Variants in DCC observed in about 807,000 individuals in gnomAD.
The protein encoded by DCC is netrin receptor DCC.
A neutral mutation model predicts 172.5 loss-of-function variants in DCC; 58 were observed. The ratio of observed to expected loss-of-function variants is 0.34; its 90% confidence interval spans 0.27 to 0.42. The LOEUF is 0.42. Ranked by LOEUF, DCC falls within the 10% of genes least tolerant of loss-of-function variation. The pLI, the probability that DCC is intolerant of heterozygous loss-of-function variation, is 1.00. For missense variants in DCC, 1,740 were observed against 1,791.0 expected (o/e 0.97, Z 0.51); for synonymous variants, 709 against 644.5 (o/e 1.10, Z -1.52).
intron 7 of DCC, among the ~76,000 whole-genome samples, chr18:53,090,986 G>T (rs1288446510): frequency 6.6e-6 from 1 of 151,910 alleles, no homozygotes; most frequent in Non-Finnish European, 1.5e-5. Context: ...CAACTACATT[G>T]TAACAGAGTG....
At chr18:52,723,398 A>T (rs1383253069) in intron 1 of DCC, among the ~76,000 whole-genome samples, 1 of 152,204 alleles carries the variant, frequency 6.6e-6, no homozygotes, top group Non-Finnish European at 1.5e-5. Flanking sequence ...GTTGCCTACT[A>T]GGATAATTAT....
chr18:52,595,749 T>A (rs535651291), intron 1 of DCC, among the ~76,000 whole-genome samples: 4 of 152,314 alleles, frequency 2.6e-5, no homozygotes, highest in African/African-American at 7.2e-5. Flanking sequence ...ATATTATTTT[T>A]GTCAATCCAC....
intron 15 of DCC, among the ~76,000 whole-genome samples, chr18:53,368,347 C>T (rs544775102): frequency 7.9e-5 from 12 of 152,080 alleles, no homozygotes; most frequent in Non-Finnish European, 1.3e-4. Flanking sequence ...ATTTTATCAG[C>T]TATATAACTT....
chr18:52,734,310 G>A (rs965989401), intron 1 of DCC, among the ~76,000 whole-genome samples: 7 of 152,084 alleles, frequency 4.6e-5, no homozygotes, highest in African/African-American at 1.4e-4. Context: ...TGATCCTAGC[G>A]ATCACTCTAG....
chr18:52,700,227 T>G (rs569260502), intron 1 of DCC, among the ~76,000 whole-genome samples: 1 of 110,842 alleles, frequency 9.0e-6, no homozygotes, highest in African/African-American at 3.7e-5. Flanking sequence ...TGCACACACA[T>G]GCACACTCAC....
At chr18:53,233,475 T>G (rs944640111) in intron 12 of DCC, among the ~76,000 whole-genome samples, 1 of 152,164 alleles carries the variant, frequency 6.6e-6, no homozygotes, top group Non-Finnish European at 1.5e-5. Flanking sequence ...TTGAAGCCGA[T>G]TTTTTTAGGT....
At chr18:52,834,639 T>A (rs1211707621) in intron 2 of DCC, among the ~76,000 whole-genome samples, 1 of 152,178 alleles carries the variant, frequency 6.6e-6, no homozygotes, top group Non-Finnish European at 1.5e-5. Context: ...GTAAAAAAAT[T>A]TGAAAAATAT....
chr18:53,264,022 A>T (rs1200349685), intron 12 of DCC, among the ~76,000 whole-genome samples: 1 of 152,198 alleles, frequency 6.6e-6, no homozygotes, highest in Non-Finnish European at 1.5e-5. Context: ...GGTTAAATAT[A>T]TTAGGAAAAT....
intron 5 of DCC, among the ~76,000 whole-genome samples, chr18:52,928,634 T>A (rs2040255631): frequency 6.6e-6 from 1 of 152,166 alleles, no homozygotes; most frequent in African/African-American, 2.4e-5. Context: ...TTTACTGAGT[T>A]CAAACCATGT....
chr18:52,379,908 G>C (rs1033749171), intron 1 of DCC, among the ~76,000 whole-genome samples: 2 of 152,106 alleles, frequency 1.3e-5, no homozygotes, highest in Admixed American at 6.6e-5. Flanking sequence ...GTATACATGA[G>C]ACTGGGTAAT....
chr18:52,752,084 G>T lies in DCC; in HGVS notation c.122G>T (p.Arg41Leu), dbSNP rs202005334. 6.2e-7 allele frequency: 1 copy of T among 1,613,926 alleles called. No homozygotes were observed. Among genetic ancestry groups the T allele is most frequent in the South Asian group, 1.1e-5 (1 of 91,078 alleles). Residue 41 changes from arginine to leucine, a missense_variant, in exon 2 of 29, where the codon CGC becomes CTC. Physicochemically the swap from Arg to Leu is moderately radical, Grantham distance 102 (BLOSUM62 -2). This residue lies in a region of DCC where 1,732 missense variants were observed against 1,767.4 expected (regional missense o/e 0.98). Coordinates refer to ENST00000442544, the MANE Select transcript of DCC (RefSeq NM_005215.4). ...CAAATTAAAGCTTTCACAGCACTGCGCTTCCTCTCAGAACCTTCTGATGCC... is the reference window on the plus strand; with the variant it reads ...CAAATTAAAGCTTTCACAGCACTGCTCTTCCTCTCAGAACCTTCTGATGCC... Reference protein sequence around the residue: ...GFQIKAFTALRFLSEPSDAVT... With the variant: ...GFQIKAFTALLFLSEPSDAVT...
At chr18:52,961,728 C>G (rs895473960) in intron 5 of DCC, among the ~76,000 whole-genome samples, 6 of 152,086 alleles carry the variant, frequency 3.9e-5, no homozygotes, top group African/African-American at 1.4e-4. Context: ...CTACAGTAAC[C>G]AAAACAGCAT....
chr18:53,043,236 A>G (rs1338712099), intron 5 of DCC, among the ~76,000 whole-genome samples: 8 of 148,040 alleles, frequency 5.4e-5, no homozygotes, highest in Non-Finnish European at 4.4e-5. Context: ...CAAACAGCGC[A>G]TGTTCTCCTA....
intron 12 of DCC, among the ~76,000 whole-genome samples, chr18:53,242,260 G>A (rs2056306461): frequency 6.6e-6 from 1 of 152,094 alleles, no homozygotes; most frequent in African/African-American, 2.4e-5. Context: ...ATTGGCTAGT[G>A]TAGACCTGTA....
intron 1 of DCC, among the ~76,000 whole-genome samples, chr18:52,556,547 C>A (rs1417349069): frequency 6.6e-6 from 1 of 152,036 alleles, no homozygotes; most frequent in Non-Finnish European, 1.5e-5. Context: ...AAGGAAAATA[C>A]CCCAATTCAT....
At chr18:52,358,370 T>C (rs954960402) in intron 1 of DCC, among the ~76,000 whole-genome samples, 6 of 152,170 alleles carry the variant, frequency 3.9e-5, no homozygotes, top group African/African-American at 1.4e-4. Context: ...TGGGTTTAGA[T>C]CCCAGGCCTA....
intron 1 of DCC, among the ~76,000 whole-genome samples, chr18:52,473,672 G>C (rs1177943361): frequency 2.0e-5 from 3 of 152,122 alleles, no homozygotes; most frequent in African/African-American, 7.2e-5. Flanking sequence ...ATGAGAACAG[G>C]ATAGGGGAAA....
intron 14 of DCC, among the ~76,000 whole-genome samples, chr18:53,325,545 A>G (rs2057458119): frequency 6.6e-6 from 1 of 152,140 alleles, no homozygotes; most frequent in Admixed American, 6.6e-5. Flanking sequence ...AAGACACAAA[A>G]TTTTTCATTT....
At chr18:52,689,531 AGGCTAG>A (rs567158847) in intron 1 of DCC, among the ~76,000 whole-genome samples, 7 of 152,098 alleles carry the variant, frequency 4.6e-5, no homozygotes, top group Non-Finnish European at 1.0e-4. Context: ...CAGCTGAGTA[AGGCTAG>A]GGACCCTATG....
Sources: allele counts gnomAD v4.1 joint callset (sites outside exome capture counted in the v4.1 genomes callset), GRCh38; gene constraint gnomAD v4.1.1; regional missense constraint gnomAD v4.1.1; transcripts MANE v1.5; gene names NCBI Gene and HGNC (gene_info 2026-07-23, HGNC 2026-07-21).